Variants in LEPR observed in about 807,000 individuals in gnomAD.
LEPR encodes leptin receptor, also known as OB receptor.
LEPR carries 56 observed loss-of-function variants against 114.7 expected under a neutral mutation model. The ratio of observed to expected loss-of-function variants is 0.49; its 90% CI spans 0.39 to 0.61. LEPR has a LOEUF of 0.61. Ranked by LOEUF, LEPR falls within the 20% of genes least tolerant of loss-of-function variation. LEPR has a pLI of 0.00. For missense variants in LEPR, 1,202 were observed against 1,352.9 expected (o/e 0.89, Z 1.75); for synonymous variants, 443 against 461.4 (o/e 0.96, Z 0.51).
rs1478854614 is a variant in LEPR at position 65,638,512 on chromosome 1, T to A, written c.*1497T>A. 1 of 152,148 alleles carries A rather than the reference T, an allele frequency of 6.6e-6. No individual in the cohort carries two copies. Among genetic ancestry groups the A allele is most frequent in the Non-Finnish European group, 1.5e-5 (1 of 68,038 alleles). The allele number at this position is 152,148 out of a possible 1,614,324, so 9.4% of individuals were successfully genotyped here. Reference sequence around the variant, plus strand: ...AATATGCCTATGGGTTTTTAAAAATTATCAGAATTTCATATTTAGACCGAG... The same window carrying A: ...AATATGCCTATGGGTTTTTAAAAATAATCAGAATTTCATATTTAGACCGAG... On this transcript the variant is annotated 3_prime_UTR_variant, in exon 20 of 20. Coordinates refer to ENST00000349533, the MANE Select transcript of LEPR (RefSeq NM_002303.6).
intron 2 of LEPR, among the ~76,000 whole-genome samples, chr1:65,532,031 C>T (rs934174341): frequency 4.6e-5 from 7 of 152,172 alleles, no homozygotes; most frequent in African/African-American, 9.7e-5. Context: ...GGACAAACTT[C>T]GTATTGCCAG....
At chr1:65,613,439 A>G (rs1557696287) in intron 14 of LEPR, among the ~76,000 whole-genome samples, 2 of 152,186 alleles carry the variant, frequency 1.3e-5, no homozygotes, top group Admixed American at 6.5e-5. Flanking sequence ...CTTATAACCA[A>G]ATTACACAAA....
Position 65,639,704 on chromosome 1 carries a change from A to G in LEPR, c.*2689A>G, listed in dbSNP as rs1658812930. 1 of 152,190 alleles carries G rather than the reference A, an allele frequency of 6.6e-6. No homozygotes were observed. Among genetic ancestry groups the G allele is most frequent in the South Asian group, 2.1e-4 (1 of 4,828 alleles). The allele number at this position is 152,190 out of a possible 1,614,324, so 9.4% of individuals were successfully genotyped here. On this transcript the variant is annotated 3_prime_UTR_variant, in exon 20 of 20. Coordinates refer to ENST00000349533, the MANE Select transcript of LEPR (RefSeq NM_002303.6). ...GCCTTAAACCGAAACACAAGCTACT[A>G]ATCAGTCTTTCTAAATCTGACCTTC...
At chr1:65,587,277 T>C (rs1220026848) in intron 5 of LEPR, among the ~76,000 whole-genome samples, 1 of 152,098 alleles carries the variant, frequency 6.6e-6, no homozygotes, top group Non-Finnish European at 1.5e-5. Context: ...ATTTATTCAA[T>C]TTGTTCACAG....
Position 65,598,661 on chromosome 1 carries a change from C to T in LEPR, c.851C>T (p.Ala284Val), listed in dbSNP as rs773830787. Residue 284 changes from alanine to valine, a missense_variant and splice_region_variant, in exon 8 of 20, where the codon GCT (alanine) becomes GTT (valine). Physicochemically the swap from Ala to Val is moderately conservative, Grantham distance 64. Transcript: ENST00000349533. ...SENSTTVIRE[A>V]DKIVSATSLL... The stretch of plus-strand genomic sequence containing the variant: ...ATGTTTTAATATAATATTTAACAGG[C>T]TGACAAGATTGTCTCAGCTACATCC... 2.5e-6 allele frequency: 4 copies of T among 1,612,968 alleles called. No individual in the cohort carries two copies. The highest frequency in any genetic ancestry group is 3.4e-6 in the Non-Finnish European group (4 of 1,179,534).
intron 2 of LEPR, among the ~76,000 whole-genome samples, chr1:65,445,637 G>GTTTT (rs564650668): frequency 0.04 from 5,798 of 146,384 alleles, 157 homozygotes; most frequent in South Asian, 0.1. Flanking sequence ...ACTGAATAGA[G>GTTTT]TTTTTTTTTT....
intron 2 of LEPR, among the ~76,000 whole-genome samples, chr1:65,426,179 A>C (rs1646361434): frequency 6.6e-6 from 1 of 152,156 alleles, no homozygotes. Flanking sequence ...GGCCATACAG[A>C]TCTCTAGGGA....
intron 19 of LEPR, 90 bp from the exon 20 acceptor site, chr1:65,636,101 A>G (rs1337736672): frequency 9.2e-6 from 13 of 1,415,338 alleles, no homozygotes; most frequent in Non-Finnish European, 1.3e-5. Flanking sequence ...CTTTATTATT[A>G]ACTTAACACA....
At position 65,616,238 on chromosome 1, in the gene LEPR, C is replaced by G. The variant is rs1246159584; in HGVS notation, c.2212+14C>G. 6.2e-7 allele frequency: 1 copy of G among 1,612,074 alleles called. No homozygotes were observed. The highest frequency in any genetic ancestry group is 8.5e-7 in the Non-Finnish European group (1 of 1,178,504). On this transcript the variant is annotated intron_variant, in intron 15 of 19. Coordinates refer to ENST00000349533, the MANE Select transcript of LEPR (RefSeq NM_002303.6). ...CTATGAGCAAAGGTAAGAAGAGGTA[C>G]AGAGTGGTAATCCATTGCCTCTTTT...
intron 3 of LEPR, among the ~76,000 whole-genome samples, chr1:65,569,599 C>T (rs369166706): frequency 2.2e-4 from 33 of 150,344 alleles, no homozygotes; most frequent in East Asian, 1.6e-3. Context: ...CCCAGCTACT[C>T]AGGAGGCTGA....
chr1:65,476,335 A>G (rs779466977), intron 2 of LEPR, among the ~76,000 whole-genome samples: 6 of 152,010 alleles, frequency 3.9e-5, no homozygotes, highest in Non-Finnish European at 5.9e-5. Flanking sequence ...TGGTTAAAAT[A>G]CTTTGAACAG....
chr1:65,454,742 A>T (rs967191359), intron 2 of LEPR, among the ~76,000 whole-genome samples: 19 of 152,018 alleles, frequency 1.2e-4, no homozygotes, highest in Non-Finnish European at 2.4e-4. Flanking sequence ...AACTTTGGTG[A>T]ATCTGACAAT....
At chr1:65,629,781 C>T (rs1288007061) in intron 19 of LEPR, among the ~76,000 whole-genome samples, 1 of 151,884 alleles carries the variant, frequency 6.6e-6, no homozygotes, top group Non-Finnish European at 1.5e-5. Context: ...ATCCACTACC[C>T]CATCTTTACT....
chr1:65,449,421 A>G (rs895666543), intron 2 of LEPR, among the ~76,000 whole-genome samples: 3 of 152,080 alleles, frequency 2.0e-5, no homozygotes, highest in Non-Finnish European at 4.4e-5. Context: ...GCTCCCCTGC[A>G]CAGCTGCCTC....
chr1:65,452,290 C>T (rs1289346087), intron 2 of LEPR, among the ~76,000 whole-genome samples: 5 of 151,432 alleles, frequency 3.3e-5, no homozygotes, highest in Non-Finnish European at 5.9e-5. Flanking sequence ...TGCCTAATTG[C>T]CCTGGCCAGA....
chr1:65,456,432 A>C (rs1646877297), intron 2 of LEPR, among the ~76,000 whole-genome samples: 2 of 152,036 alleles, frequency 1.3e-5, no homozygotes, highest in South Asian at 4.1e-4. Context: ...TCCAACTACA[A>C]TCATGGATTC....
rs561793068 is a variant in LEPR at position 65,465,120 on chromosome 1, G to A, written c.-21+39742G>A. 5.3e-5 allele frequency among the ~76,000 whole-genome samples: 8 copies of A among 152,220 alleles called. No individual in the cohort carries two copies. In the East Asian group the frequency reaches 1.5e-3, roughly 29 times the overall value. ...TACTTCTTTTAACTGTGATGATAGGGTGTCGATTTTAGATATTTCCTCCTT... is the reference window on the plus strand; with the variant it reads ...TACTTCTTTTAACTGTGATGATAGGATGTCGATTTTAGATATTTCCTCCTT... On this transcript the variant is annotated intron_variant, in intron 2 of 19. Coordinates refer to ENST00000349533, the MANE Select transcript of LEPR (RefSeq NM_002303.6).
At chr1:65,588,320 G>A (rs61781283) in intron 5 of LEPR, among the ~76,000 whole-genome samples, 23,201 of 151,316 alleles carry the variant, frequency 0.15, 1,970 homozygotes, top group Middle Eastern at 0.23. Flanking sequence ...TTTTAAGATT[G>A]ACCTACTTAT....
intron 2 of LEPR, among the ~76,000 whole-genome samples, chr1:65,518,055 C>T (rs1649380709): frequency 6.6e-6 from 1 of 152,188 alleles, no homozygotes; most frequent in Admixed American, 6.5e-5. Context: ...AGTCCTGTTT[C>T]TCCAGAGGTT....
Sources: gnomAD v4.1 joint callset for allele counts (sites outside exome capture counted in the v4.1 genomes callset) on GRCh38, gnomAD v4.1.1 for gene constraint, MANE v1.5 for transcripts, NCBI Gene and HGNC (gene_info 2026-07-23, HGNC 2026-07-21) for gene names.